The following THADA variants were observed in gnomAD, a reference collection of about 807,000 sequenced individuals.
THADA encodes tRNA (32-2'-O)-methyltransferase regulator THADA.
THADA carries 213 observed loss-of-function variants against 219.8 expected under a neutral mutation model. The ratio of observed to expected loss-of-function variants is 0.97; its 90% CI spans 0.87 to 1.09. The LOEUF is 1.09. Among genes scored for constraint, THADA ranks in the 50% least tolerant of loss-of-function variants. The probability of loss-of-function intolerance (pLI) is 0.00; values close to 1 mark genes in which losing one functional copy is unlikely to be tolerated. For missense variants in THADA, 2,956 were observed against 2,311.3 expected (o/e 1.28, Z -5.72); for synonymous variants, 1,018 against 828.9 (o/e 1.23, Z -3.92).
chr2:43,286,789 G>A (rs1674070993), intron 35 of THADA, 119 bp downstream of exon 35: 5 of 1,159,452 alleles, frequency 4.3e-6, no homozygotes, highest in Non-Finnish European at 3.7e-6. Flanking sequence ...GAATATAACT[G>A]AAAGACATAA....
intron 25 of THADA, among the ~76,000 whole-genome samples, chr2:43,491,428 T>C (rs1687623902): frequency 6.6e-6 from 1 of 152,206 alleles, no homozygotes; most frequent in South Asian, 2.1e-4. Flanking sequence ...TAAGCAGTAG[T>C]ACAGCTAAAA....
chr2:43,284,104 A>G (rs1673695770), intron 35 of THADA, among the ~76,000 whole-genome samples: 1 of 152,210 alleles, frequency 6.6e-6, no homozygotes. Context: ...GCTCAAACCC[A>G]GGAAGTAGAG....
chr2:43,267,936 TAC>T (rs1408972898), intron 36 of THADA, among the ~76,000 whole-genome samples: 2 of 152,182 alleles, frequency 1.3e-5, no homozygotes, highest in Non-Finnish European at 2.9e-5. Context: ...CATTTCAAGA[TAC>T]ACCCCAAGCT....
chr2:43,466,337 G>C (rs923312892), intron 26 of THADA, among the ~76,000 whole-genome samples: 2 of 152,038 alleles, frequency 1.3e-5, no homozygotes, highest in Non-Finnish European at 2.9e-5. Context: ...TGTCCTCCTG[G>C]CTCCCTTTGC....
intron 28 of THADA, among the ~76,000 whole-genome samples, chr2:43,415,970 T>TG (rs568825103): frequency 9.9e-5 from 15 of 152,050 alleles, no homozygotes; most frequent in South Asian, 4.1e-4. Flanking sequence ...GAAAAAAGGG[T>TG]GGGGGGATAA....
intron 16 of THADA, among the ~76,000 whole-genome samples, chr2:43,559,593 G>A (rs937780626): frequency 2.2e-4 from 34 of 152,196 alleles, no homozygotes; most frequent in African/African-American, 8.0e-4. Context: ...CTAAGAGCCA[G>A]GGTCTGGAAG....
intron 32 of THADA, 25 bp from the exon 33 acceptor site, chr2:43,292,247 A>C: frequency 7.0e-7 from 1 of 1,432,042 alleles, no homozygotes; most frequent in African/African-American, 1.4e-5. Flanking sequence ...TCCGCACACA[A>C]AAAAGAGAAA....
At chr2:43,496,779 A>T (rs1688325507) in intron 25 of THADA, among the ~76,000 whole-genome samples, 1 of 152,200 alleles carries the variant, frequency 6.6e-6, no homozygotes, top group Non-Finnish European at 1.5e-5. Flanking sequence ...TTCCTCAAAA[A>T]GTTAAACATG....
intron 14 of THADA, among the ~76,000 whole-genome samples, chr2:43,567,727 A>C (rs1198208857): frequency 6.6e-6 from 1 of 152,228 alleles, no homozygotes; most frequent in Non-Finnish European, 1.5e-5. Context: ...CTGTAGCCAC[A>C]ATATATGCAG....
chr2:43,443,590 G>C (rs1035394392), intron 26 of THADA, among the ~76,000 whole-genome samples: 1 of 152,138 alleles, frequency 6.6e-6, no homozygotes, highest in African/African-American at 2.4e-5. Flanking sequence ...AACAATAAAA[G>C]TGATAGCCAA....
intron 13 of THADA, among the ~76,000 whole-genome samples, chr2:43,571,185 G>A (rs966487241): frequency 6.6e-6 from 1 of 152,144 alleles, no homozygotes; most frequent in East Asian, 1.9e-4. Context: ...GAGCCTGGGA[G>A]GTTGAGGGTA....
At chr2:43,471,973 A>G (rs1184204753) in intron 26 of THADA, among the ~76,000 whole-genome samples, 1 of 152,268 alleles carries the variant, frequency 6.6e-6, no homozygotes, top group Non-Finnish European at 1.5e-5. Context: ...AGACTAAGAT[A>G]AATGAACCAA....
intron 29 of THADA, among the ~76,000 whole-genome samples, chr2:43,375,089 TTTA>T (rs1238376271): frequency 6.6e-6 from 1 of 152,154 alleles, no homozygotes; most frequent in Non-Finnish European, 1.5e-5. Context: ...ATAGTTACCA[TTTA>T]TTAAGAAACT....
chr2:43,536,831 A>G (rs1437483993), intron 21 of THADA, among the ~76,000 whole-genome samples: 1 of 152,216 alleles, frequency 6.6e-6, no homozygotes, highest in Admixed American at 6.5e-5. Context: ...TGGAGCTAAC[A>G]CTAGAACCTA....
rs6733421 is a variant in THADA, at chr2:43,591,108, C to G, written c.172-154G>C. 1.7e-3 allele frequency among the ~76,000 whole-genome samples: 262 copies of G among 152,196 alleles called. 3 individuals are homozygous for G. Among genetic ancestry groups the G allele is most frequent in the Middle Eastern group, 0.01 (3 of 294 alleles). On this transcript the variant is annotated intron_variant, in intron 3 of 37. Transcript: ENST00000405975. Reference sequence around the variant, plus strand: ...GGCTGAGGTGGGCAGATCGCTTGAGCCCAGGAGAGTTCGAGACAAGCTCGG... The same window carrying G: ...GGCTGAGGTGGGCAGATCGCTTGAGGCCAGGAGAGTTCGAGACAAGCTCGG...
intron 29 of THADA, among the ~76,000 whole-genome samples, chr2:43,364,620 C>G (rs1669919460): frequency 6.6e-6 from 1 of 152,224 alleles, no homozygotes; most frequent in Non-Finnish European, 1.5e-5. Flanking sequence ...ACTGCATTTA[C>G]TTTTGGGAGA....
chr2:43,334,292 G>A (rs913852154), intron 30 of THADA, among the ~76,000 whole-genome samples: 1 of 152,096 alleles, frequency 6.6e-6, no homozygotes, highest in Admixed American at 6.5e-5. Context: ...AGGCACACAT[G>A]AAAGGGCACA....
chr2:43,253,355 A>G (rs1427671299), intron 36 of THADA, among the ~76,000 whole-genome samples: 1 of 152,138 alleles, frequency 6.6e-6, no homozygotes, highest in East Asian at 1.9e-4. Flanking sequence ...AAGACAGGTG[A>G]TGTAGCAGAG....
At chr2:43,270,813 C>A (rs576725398) in intron 36 of THADA, among the ~76,000 whole-genome samples, 1 of 152,314 alleles carries the variant, frequency 6.6e-6, no homozygotes, top group Non-Finnish European at 1.5e-5. Flanking sequence ...TGCCTGTGAA[C>A]AGCCACCAGT....
Sources: allele counts gnomAD v4.1 joint callset (sites outside exome capture counted in the v4.1 genomes callset), GRCh38; gene constraint gnomAD v4.1.1; transcripts MANE v1.5; gene names NCBI Gene and HGNC (gene_info 2026-07-23, HGNC 2026-07-21).